Variants in LGALS1 observed in about 807,000 individuals in gnomAD.
LGALS1 encodes galectin-1.
In LGALS1, 14 loss-of-function variants were observed where a neutral mutation model predicts 14.4. The ratio of observed to expected loss-of-function variants is 0.97; its 90% CI spans 0.64 to 1.52. The LOEUF (loss-of-function observed/expected upper bound fraction) is 1.52, where lower values mean the gene tolerates loss of function less well. Ranked by LOEUF, LGALS1 falls within the 40% of genes most tolerant of loss-of-function variation. The pLI, the probability that LGALS1 is intolerant of heterozygous loss-of-function variation, is 0.00. For missense variants in LGALS1, 170 were observed against 181.4 expected (o/e 0.94, Z 0.36); for synonymous variants, 71 against 73.4 (o/e 0.97, Z 0.17).
At chr22:37,679,464 A>G in intron 3 of LGALS1, 139 bp from the exon 4 acceptor site, 1 of 687,540 alleles carries the variant, frequency 1.5e-6, no homozygotes, top group Non-Finnish European at 2.1e-6. Flanking sequence ...GGATTAGAGT[A>G]AAAAGAAAGA....
At chr22:37,676,789 A>C in intron 1 of LGALS1, 197 bp from the exon 2 acceptor site, 4 of 659,744 alleles carry the variant, frequency 6.1e-6, no homozygotes, top group Non-Finnish European at 1.1e-5. Context: ...CCCGGTGGGA[A>C]TAGGGACTTT....
At chr22:37,677,277 C>T (rs1921466713) in intron 2 of LGALS1, 1 of 583,874 alleles carries the variant, frequency 1.7e-6, no homozygotes, top group Non-Finnish European at 3.1e-6. Flanking sequence ...GCTGTAGCCT[C>T]TTAAACTAAA....
chr22:37,678,442 A>T, intron 2 of LGALS1, 41 bp from the exon 3 acceptor site: 1 of 1,610,124 alleles, frequency 6.2e-7, no homozygotes, highest in Non-Finnish European at 8.5e-7. Flanking sequence ...GTGGGGCTGG[A>T]GCTGGCCGAG....
rs111593545 is a variant in LGALS1 at position 37,678,501 on chromosome 22, C to G, written c.108C>G (p.Gly36=). The part of the protein sequence containing the change: ...PDAKSFVLNL[G]KDSNNLCLHF... ...CCCCCAGCTTCGTGCTGAACCTGGG[C>G]AAAGACAGCAACAACCTGTGCCTGC... The change falls in exon 3 of 4, where the codon GGC becomes GGG. Residue 36 remains glycine, a synonymous_variant. Coordinates refer to ENST00000215909, the MANE Select transcript of LGALS1 (RefSeq NM_002305.4). The G allele has an allele frequency of 6.2e-7, 1 of 1,613,580 alleles. No homozygotes were observed. The highest frequency in any genetic ancestry group is 8.5e-7 in the Non-Finnish European group (1 of 1,180,034).
Position 37,679,663 on chromosome 22 carries a change from A to G in LGALS1, c.322A>G (p.Lys108Glu). The G allele has an allele frequency of 6.2e-7, 1 of 1,610,728 alleles. No individual in the cohort carries two copies. The highest frequency in any genetic ancestry group is 1.1e-5 in the South Asian group (1 of 90,220). The change falls in exon 4 of 4, where the codon AAG becomes GAG. Residue 108 changes from lysine to glutamate, a missense_variant. Transcript: ENST00000215909. The stretch of plus-strand genomic sequence containing the variant: ...CAAGCTGCCAGATGGATACGAATTC[A>G]AGTTCCCCAACCGCCTCAACCTGGA... ...TVKLPDGYEF[K>E]FPNRLNLEAI...
At chr22:37,678,699 G>A (rs1306718309) in intron 3 of LGALS1, 45 bp downstream of exon 3, 3 of 1,448,090 alleles carry the variant, frequency 2.1e-6, no homozygotes, top group South Asian at 1.3e-5. Flanking sequence ...GGGGCTGGGT[G>A]GGCTGGGGCG....
intron 2 of LGALS1, 87 bp from the exon 3 acceptor site, chr22:37,678,396 C>G (rs756008676): frequency 2.8e-6 from 4 of 1,439,856 alleles, no homozygotes; most frequent in Non-Finnish European, 3.9e-6. Context: ...CAGCAAGGTG[C>G]GTTCATGGGA....
chr22:37,677,301 C>A (rs1217989645), intron 2 of LGALS1: 7 of 548,804 alleles, frequency 1.3e-5, no homozygotes, highest in Non-Finnish European at 2.0e-5. Context: ...GCTGCAGCCT[C>A]GTCATCTGTA....
intron 3 of LGALS1, 24 bp from the exon 4 acceptor site, chr22:37,679,579 C>A: frequency 1.3e-6 from 2 of 1,564,642 alleles, no homozygotes; most frequent in Admixed American, 1.8e-5. Context: ...GTGGGCCCGG[C>A]TCACTGCTCT....
intron 1 of LGALS1, 75 bp from the exon 2 acceptor site, chr22:37,676,911 C>G: frequency 6.6e-7 from 1 of 1,521,494 alleles, no homozygotes; most frequent in Non-Finnish European, 9.1e-7. Context: ...ACTCCCACCC[C>G]CAGCCACCCC....
At chr22:37,675,828 G>A in intron 1 of LGALS1, 117 bp downstream of exon 1, 1 of 949,614 alleles carries the variant, frequency 1.1e-6, no homozygotes, top group East Asian at 3.1e-5. Context: ...TGGAACCAGT[G>A]CCTTCTCTTT....
In LGALS1 at chr22:37,675,691, C is replaced by A; in HGVS notation, c.-12C>A. The A allele has an allele frequency of 6.5e-7, 1 of 1,549,126 alleles. No homozygotes were observed. The highest frequency in any genetic ancestry group is 8.7e-7 in the Non-Finnish European group (1 of 1,146,718). ...GGTGCGCCTGCCCGGGAACATCCTCCTGGACTCAATCATGGCTTGTGTGAG... is the reference window on the plus strand; with the variant it reads ...GGTGCGCCTGCCCGGGAACATCCTCATGGACTCAATCATGGCTTGTGTGAG... On this transcript the variant is annotated 5_prime_UTR_variant, in exon 1 of 4. It adds an upstream start codon to the 5' untranslated region. Transcript: ENST00000215909.
intron 1 of LGALS1, 33 bp from the exon 2 acceptor site, chr22:37,676,953 C>T (rs752895863): frequency 1.9e-6 from 3 of 1,613,442 alleles, no homozygotes; most frequent in Non-Finnish European, 2.5e-6. Flanking sequence ...GCCTTGTCCT[C>T]TAACCCGGCT....
rs748383958 is a variant in LGALS1 at position 37,679,670 on chromosome 22, C to A, written c.329C>A (p.Pro110His). The A allele has an allele frequency of 2.5e-6, 4 of 1,610,766 alleles. No homozygotes were observed. The highest frequency in any genetic ancestry group is 3.4e-6 in the Non-Finnish European group (4 of 1,178,896). Residue 110 changes from proline (P) to histidine (H), a missense_variant, in exon 4 of 4, where the codon CCC (proline) becomes CAC (histidine). Coordinates refer to ENST00000215909, the MANE Select transcript of LGALS1 (RefSeq NM_002305.4). Reference sequence around the variant, plus strand: ...CCAGATGGATACGAATTCAAGTTCCCCAACCGCCTCAACCTGGAGGCCATC... The same window carrying A: ...CCAGATGGATACGAATTCAAGTTCCACAACCGCCTCAACCTGGAGGCCATC... ...KLPDGYEFKF[P>H]NRLNLEAINY...
intron 3 of LGALS1, 53 bp from the exon 4 acceptor site, chr22:37,679,550 C>T (rs972868453): frequency 3.4e-5 from 51 of 1,482,018 alleles, no homozygotes; most frequent in Middle Eastern, 5.0e-4. Context: ...GGAACGGGTT[C>T]TGGAAGGGCC....
In LGALS1 at chr22:37,679,665, G is replaced by A. The variant is rs768856058; in HGVS notation, c.324G>A (p.Lys108=). ...TVKLPDGYEF[K]FPNRLNLEAI... ...AGCTGCCAGATGGATACGAATTCAAGTTCCCCAACCGCCTCAACCTGGAGG... is the reference window on the plus strand; with the variant it reads ...AGCTGCCAGATGGATACGAATTCAAATTCCCCAACCGCCTCAACCTGGAGG... Residue 108 remains lysine, a synonymous_variant, in exon 4 of 4, where the codon AAG becomes AAA. Transcript: ENST00000215909. The A allele has an allele frequency of 6.2e-7, 1 of 1,610,846 alleles. No homozygotes were observed. The highest frequency in any genetic ancestry group is 2.2e-5 in the East Asian group (1 of 44,586).
intron 3 of LGALS1, 101 bp from the exon 4 acceptor site, chr22:37,679,502 G>C (rs555476415): frequency 9.6e-7 from 1 of 1,039,238 alleles, no homozygotes; most frequent in South Asian, 2.4e-5. Flanking sequence ...ACCTCCGCAG[G>C]CTCAGCCACA....
chr22:37,678,611 AG>A lies in LGALS1; in HGVS notation c.219del (p.Gln73HisfsTer25). The stretch of plus-strand genomic sequence containing the variant: ...GACGGCGGGGCCTGGGGGACCGAGC[AG>A]CGGGAGGCTGTCTTTCCCTTCCAGC... ...SKDGGAWGTE[Q>X]REAVFPFQPG... On this transcript the variant is annotated frameshift_variant, in exon 3 of 4. Transcript: ENST00000215909. LOFTEE classifies it high-confidence loss of function. The A allele has an allele frequency of 6.9e-7, 1 of 1,452,486 alleles. No homozygotes were observed. The highest frequency in any genetic ancestry group is 9.3e-7 in the Non-Finnish European group (1 of 1,078,676). The allele number at this position is 1,452,486 out of a possible 1,614,324, so 90.0% of individuals were successfully genotyped here. A position where few individuals can be genotyped will look rare whatever the true frequency, so the allele number is the denominator to read the frequency against.
Position 37,677,043 on chromosome 22 carries a change from G to A in LGALS1, c.67G>A (p.Glu23Lys). The A allele has an allele frequency of 6.2e-7, 1 of 1,614,084 alleles. No individual in the cohort carries two copies. Among genetic ancestry groups the A allele is most frequent in the Non-Finnish European group, 8.5e-7 (1 of 1,179,996 alleles). The change falls in exon 2 of 4, where the codon GAG becomes AAG. Residue 23 changes from glutamate to lysine, a missense_variant. Transcript: ENST00000215909. ...TGGAGAGTGCCTTCGAGTGCGAGGC[G>A]AGGTGGCTCCTGACGCTAAGAGGTG... ...KPGECLRVRG[E>K]VAPDAKSFVL...
Sources: allele counts gnomAD v4.1 joint callset, GRCh38; gene constraint gnomAD v4.1.1; transcripts MANE v1.5; gene names NCBI Gene and HGNC (gene_info 2026-07-23, HGNC 2026-07-21).